Variants in MEIS1 observed in about 807,000 individuals in gnomAD.
MEIS1 encodes the protein Meis homeobox 1.
MEIS1 carries 5 observed loss-of-function variants against 50.8 expected under a neutral mutation model. The ratio of observed to expected loss-of-function variants is 0.10; its 90% CI spans 0.05 to 0.21. MEIS1 has a LOEUF of 0.21. Ranked by LOEUF, MEIS1 falls within the 10% of genes least tolerant of loss-of-function variation. The probability of loss-of-function intolerance (pLI) is 1.00; values close to 1 mark genes in which losing one functional copy is unlikely to be tolerated. For synonymous variants in MEIS1, 176 were observed against 179.3 expected, an observed-to-expected ratio of 0.98 and a Z score of 0.15; for missense variants, 318 against 517.3, an observed-to-expected ratio of 0.61 and a Z score of 3.74.
At chr2:66,493,833 A>C (rs1360516654) in intron 7 of MEIS1, among the ~76,000 whole-genome samples, 1 of 152,186 alleles carries the variant, frequency 6.6e-6, no homozygotes, top group Non-Finnish European at 1.5e-5. Flanking sequence ...TTACATGTAA[A>C]ATGATCATTT....
chr2:66,454,181 C>G (rs2103720034), intron 6 of MEIS1, among the ~76,000 whole-genome samples: 1 of 152,104 alleles, frequency 6.6e-6, no homozygotes, highest in Middle Eastern at 3.4e-3. Context: ...CCCCAATGAG[C>G]ACTTCATTAC....
intron 7 of MEIS1, among the ~76,000 whole-genome samples, chr2:66,473,397 A>AAAT: frequency 1.2e-3 from 127 of 107,540 alleles, no homozygotes; most frequent in East Asian, 0.011. Context: ...AAAAAAAAAA[A>AAAT]ATATATATAT....
chr2:66,498,449 C>G (rs1673463876), intron 7 of MEIS1, among the ~76,000 whole-genome samples: 1 of 152,048 alleles, frequency 6.6e-6, no homozygotes, highest in East Asian at 1.9e-4. Context: ...AAGCTATTCT[C>G]TTGTAATACC....
chr2:66,458,526 T>C (rs1365060091), intron 6 of MEIS1, among the ~76,000 whole-genome samples: 1 of 152,210 alleles, frequency 6.6e-6, no homozygotes, highest in Non-Finnish European at 1.5e-5. Context: ...CATTAAGAAC[T>C]ATAGAAGCTG....
intron 9 of MEIS1, among the ~76,000 whole-genome samples, chr2:66,552,462 G>C (rs950554195): frequency 2.0e-5 from 3 of 152,124 alleles, no homozygotes; most frequent in Admixed American, 6.5e-5. Context: ...TCCATCAAGA[G>C]AGCATATAAA....
intron 9 of MEIS1, among the ~76,000 whole-genome samples, chr2:66,550,973 A>G (rs1674904723): frequency 6.6e-6 from 1 of 152,150 alleles, no homozygotes; most frequent in Non-Finnish European, 1.5e-5. Context: ...GGATTTCTTA[A>G]AACTTGTTAA....
rs757132947 is a variant in MEIS1 at position 66,569,129 on chromosome 2, C to T, written c.*21C>T. 20 of 1,611,550 alleles carry T rather than the reference C, an allele frequency of 1.2e-5. No homozygotes were observed. The Admixed American group carries it at 1.5e-4, about 12-fold the overall frequency. ...TGTAACCTTCATCTAGTTAACCAAT[C>T]GCAAAGCAAGGGGGAAGTAAGTACA... On this transcript the variant is annotated 3_prime_UTR_variant, in exon 12 of 13. Transcript: ENST00000272369.
chr2:66,516,901 C>T (rs2103862917), intron 8 of MEIS1, among the ~76,000 whole-genome samples: 1 of 152,256 alleles, frequency 6.6e-6, no homozygotes, highest in East Asian at 1.9e-4. Flanking sequence ...AAGAATTATT[C>T]TGTAAACATT....
chr2:66,512,817 G>A (rs532928553), intron 8 of MEIS1, among the ~76,000 whole-genome samples: 1 of 152,298 alleles, frequency 6.6e-6, no homozygotes, highest in East Asian at 1.9e-4. Context: ...CACAGTGAAA[G>A]TTGTCCCTGT....
At chr2:66,500,868 C>T (rs1440628553) in intron 7 of MEIS1, among the ~76,000 whole-genome samples, 1 of 152,140 alleles carries the variant, frequency 6.6e-6, no homozygotes, top group Non-Finnish European at 1.5e-5. Flanking sequence ...ATAGCAAATA[C>T]ATATGCAGAG....
chr2:66,443,022 A>G lies in MEIS1; in HGVS notation c.604A>G (p.Thr202Ala), dbSNP rs892646699. ...ATCAAAATCAGACAGTGAAGATATA[A>G]CAAGATCAGCAAATCTAACTGACCA... ...GGSKSDSEDI[T>A]RSANLTDQPS... The change falls in exon 6 of 13, where the codon ACA (threonine) becomes GCA (alanine). Residue 202 changes from threonine (T) to alanine (A), a missense_variant. Physicochemically the swap from Thr to Ala is moderately conservative, Grantham distance 58. Around this residue, in one of 6 missense-constraint regions of MEIS1, gnomAD observed 48 missense variants for 50.9 expected, o/e 0.94. Coordinates refer to ENST00000272369, the MANE Select transcript of MEIS1 (RefSeq NM_002398.3). 1.8e-5 allele frequency: 29 copies of G among 1,599,942 alleles called. No individual in the cohort carries two copies. The highest frequency in any genetic ancestry group is 2.5e-5 in the Non-Finnish European group (29 of 1,175,352).
At position 66,440,408 on chromosome 2, in the gene MEIS1, G is replaced by A. The variant is rs1008947638; in HGVS notation, c.382-154G>A. ...ATTCACACTGAAATGTTTCTGCGCG[G>A]GACGAACTCGGTGTCACCGGGTCCC... On this transcript the variant is annotated intron_variant, in intron 3 of 12. Coordinates refer to ENST00000272369, the MANE Select transcript of MEIS1 (RefSeq NM_002398.3). 21 of 690,154 alleles carry A rather than the reference G, an allele frequency of 3.0e-5. No individual in the cohort carries two copies. In the African/African-American group the frequency reaches 3.1e-4, roughly 10 times the overall value. The allele number at this position is 690,154 out of a possible 1,614,324, so 42.8% of individuals were successfully genotyped here.
At chr2:66,473,397 A>AAAAAAAATATATATATATATAT in intron 7 of MEIS1, among the ~76,000 whole-genome samples, 18 of 107,556 alleles carry the variant, frequency 1.7e-4, no homozygotes, top group African/African-American at 9.9e-4. Context: ...AAAAAAAAAA[A>AAAAAAAATATATATATATATAT]ATATATATAT....
intron 7 of MEIS1, among the ~76,000 whole-genome samples, chr2:66,468,600 C>T (rs773294983): frequency 7.9e-5 from 12 of 152,174 alleles, no homozygotes; most frequent in East Asian, 7.7e-4. Context: ...CTTGAACCCA[C>T]GCAGTCTGAC....
chr2:66,447,045 T>C (rs1365594797), intron 6 of MEIS1, among the ~76,000 whole-genome samples: 2 of 152,216 alleles, frequency 1.3e-5, no homozygotes. Context: ...TTAAGCTTTC[T>C]CTTTAAGGGA....
intron 8 of MEIS1, among the ~76,000 whole-genome samples, chr2:66,535,516 C>T (rs966286385): frequency 6.6e-6 from 1 of 152,206 alleles, no homozygotes; most frequent in Admixed American, 6.5e-5. Flanking sequence ...TGTGATAACC[C>T]TGCAGAAATA....
intron 8 of MEIS1, among the ~76,000 whole-genome samples, chr2:66,539,377 C>A (rs935697380): frequency 6.6e-6 from 1 of 152,092 alleles, no homozygotes; most frequent in African/African-American, 2.4e-5. Flanking sequence ...TAGTTTTTTT[C>A]ATATAACAAG....
At chr2:66,538,559 C>T (rs1674573816) in intron 8 of MEIS1, among the ~76,000 whole-genome samples, 2 of 152,162 alleles carry the variant, frequency 1.3e-5, no homozygotes, top group Non-Finnish European at 1.5e-5. Flanking sequence ...CTCACAAATG[C>T]AGGTTGAGGG....
At chr2:66,477,781 C>G (rs1215606044) in intron 7 of MEIS1, among the ~76,000 whole-genome samples, 1 of 152,130 alleles carries the variant, frequency 6.6e-6, no homozygotes, top group East Asian at 1.9e-4. Context: ...TTTATGTGCT[C>G]CCAGTGGATT....
Sources: gnomAD v4.1 joint callset for allele counts (sites outside exome capture counted in the v4.1 genomes callset) on GRCh38, gnomAD v4.1.1 for gene constraint, gnomAD v4.1.1 regional missense constraint, MANE v1.5 for transcripts, NCBI Gene and HGNC (gene_info 2026-07-23, HGNC 2026-07-21) for gene names.